Variants in CIC observed in about 807,000 individuals in gnomAD.
The protein encoded by CIC is protein capicua homolog.
Under a neutral mutation model 115.7 loss-of-function variants are expected in CIC, and 18 were observed. That is an observed-to-expected ratio of 0.16 (90% CI 0.11 to 0.23). The LOEUF (loss-of-function observed/expected upper bound fraction) is 0.23, where lower values mean the gene tolerates loss of function less well. CIC is among the 10% of genes least tolerant of loss of function. The probability of loss-of-function intolerance (pLI) is 1.00; values close to 1 mark genes in which losing one functional copy is unlikely to be tolerated. For missense variants in CIC, 2,000 were observed against 2,159.3 expected (o/e 0.93, Z 1.46); for synonymous variants, 1,076 against 923.0 (o/e 1.17, Z -3.01).
In CIC at chr19:42,293,626, G is replaced by A. The variant is rs778127638; in HGVS notation, c.6557G>A (p.Arg2186His). The A allele has an allele frequency of 4.1e-5, 66 of 1,613,456 alleles. No individual in the cohort carries two copies. The East Asian group carries it at 5.1e-4, about 13-fold the overall frequency. ...TTCCCCAGCTCATCTTCAGACTGGC[G>A]CGTCCCTGGGCAGGGCCTGGAGAAT... ...SKFPSSSSDWRVPGQGLENRG... is the reference protein window; with the variant it reads ...SKFPSSSSDWHVPGQGLENRG... The change falls in exon 17 of 21, where the codon CGC becomes CAC. Residue 2186 changes from arginine to histidine, a missense_variant. Transcript: ENST00000681038.
Position 42,295,143 on chromosome 19 carries a change from G to GGGGGCCCCCCCCCC in CIC, c.7506_7507insGGGGCCCCCCCCCC (p.Pro2503GlyfsTer31). The GGGGGCCCCCCCCCC allele has an allele frequency of 4.1e-5, 56 of 1,382,588 alleles. No homozygotes were observed. Among genetic ancestry groups the GGGGGCCCCCCCCCC allele is most frequent in the Non-Finnish European group, 5.3e-5 (55 of 1,037,698 alleles). 85.6% of individuals were successfully genotyped at this position (1,382,588 alleles called of 1,614,324 possible). A position where few individuals can be genotyped will look rare whatever the true frequency, so the allele number is the denominator to read the frequency against. ...AGCCTGGCTGGGAGGGGGCTCCCCA[G>GGGGGCCCCCCCCCC]CCCTCCCCCCCACCCCCAGGTCCCT... On this transcript the variant is annotated frameshift_variant, in exon 21 of 21. Transcript: ENST00000681038. LOFTEE classifies it high-confidence loss of function.
rs779351145 is a variant in CIC, at chr19:42,290,559, C to T, written c.4518C>T (p.Thr1506=). 16 of 1,613,692 alleles carry T rather than the reference C, an allele frequency of 9.9e-6. No homozygotes were observed. The East Asian group carries it at 3.3e-4, about 34-fold the overall frequency. The change falls in exon 11 of 21, where the codon ACC becomes ACT. Residue 1506 remains threonine, a synonymous_variant. Transcript: ENST00000681038. ...GGTTCCTCCCAATGGATCCTGCCAC[C>T]TTCCGGCGCAAGAGACCCGAAAGTG... The part of the protein sequence containing the change: ...ATRFLPMDPA[T]FRRKRPESVG...
At chr19:42,276,040 C>T (rs552492004) in intron 2 of CIC, among the ~76,000 whole-genome samples, 6 of 152,292 alleles carry the variant, frequency 3.9e-5, no homozygotes, top group Non-Finnish European at 5.9e-5. Flanking sequence ...CCTGTCCAGC[C>T]TGAGAAGTCA....
chr19:42,275,984 G>T (rs944316101), intron 2 of CIC, among the ~76,000 whole-genome samples: 3 of 152,202 alleles, frequency 2.0e-5, no homozygotes, highest in African/African-American at 7.2e-5. Context: ...GGTGGTCAGG[G>T]ATGGGGTGGA....
intron 8 of CIC, 42 bp from the exon 9 acceptor site, chr19:42,289,139 G>C: frequency 1.9e-6 from 3 of 1,613,170 alleles, no homozygotes; most frequent in Non-Finnish European, 2.5e-6. Context: ...ACCTGTCCAG[G>C]GCAGCAGCCC....
At position 42,287,519 on chromosome 19, in the gene CIC, C is replaced by T. The variant is rs1213112700; in HGVS notation, c.3310-26C>T. ...CACCTGTCTGCCAGGTCCTAACTGT[C>T]CCGCTCTGGGCTGTGTTTAATGCAG... On this transcript the variant is annotated intron_variant, in intron 5 of 20. Transcript: ENST00000681038. The surrounding 1 kb of genome is among the most constrained non-coding windows in gnomAD (Gnocchi z 8.7). The T allele has an allele frequency of 6.2e-7, 1 of 1,612,686 alleles. No individual in the cohort carries two copies. Among genetic ancestry groups the T allele is most frequent in the Admixed American group, 1.7e-5 (1 of 60,024 alleles).
rs948436221 is a variant in CIC, at chr19:42,270,626, A to G, written c.-10-1148A>G. Among the ~76,000 whole-genome samples, 5 of 151,980 alleles carry G rather than the reference A, an allele frequency of 3.3e-5. No individual in the cohort carries two copies. Among genetic ancestry groups the G allele is most frequent in the African/African-American group, 1.2e-4 (5 of 41,362 alleles). ...ATCCCCACTTGGAGTTGGAGGGCATATTTGGGGGCCTGCGGGGGGCTAGCC... is the reference window on the plus strand; with the variant it reads ...ATCCCCACTTGGAGTTGGAGGGCATGTTTGGGGGCCTGCGGGGGGCTAGCC... On this transcript the variant is annotated intron_variant, in intron 1 of 20. Coordinates refer to ENST00000681038, the MANE Select transcript of CIC (RefSeq NM_001386298.1). The surrounding 1 kb of genome is among the most constrained non-coding windows in gnomAD (Gnocchi z 4.1).
At chr19:42,278,342 C>T (rs1014333635) in intron 2 of CIC, among the ~76,000 whole-genome samples, 6 of 152,228 alleles carry the variant, frequency 3.9e-5, no homozygotes, top group South Asian at 2.1e-4. Flanking sequence ...TGTTGACAGG[C>T]GTTGCTCCTT....
rs778253908 is a variant in CIC at position 42,292,615 on chromosome 19, G to A, written c.5952G>A (p.Val1984=). The A allele has an allele frequency of 6.2e-7, 1 of 1,613,344 alleles. No homozygotes were observed. Among genetic ancestry groups the A allele is most frequent in the East Asian group, 2.2e-5 (1 of 44,868 alleles). The change falls in exon 15 of 21, where the codon GTG becomes GTA. Residue 1984 remains valine (V), a synonymous_variant. Transcript: ENST00000681038. ...CCGGTCAGGTGGGCGTGTCACCTGT[G>A]CCCAGTCCCCAGCTGCCGCCTGCCT... ...LAPGQVGVSP[V]PSPQLPPACA...
rs2037194011 is a variant in CIC, at chr19:42,280,681, C to T, written c.2795-6090C>T. On this transcript the variant is annotated intron_variant, in intron 2 of 20. Coordinates refer to ENST00000681038, the MANE Select transcript of CIC (RefSeq NM_001386298.1). This position sits in a 1 kb window ranked among gnomAD's most constrained non-coding sequence, Gnocchi z 4.9. Reference sequence around the variant, plus strand: ...TCAGGCCGGCCGGGCACCCGTCCGCCCTCCCTGCACAAAGCGGCTTTGTGG... The same window carrying T: ...TCAGGCCGGCCGGGCACCCGTCCGCTCTCCCTGCACAAAGCGGCTTTGTGG... Among the ~76,000 whole-genome samples the T allele has an allele frequency of 6.6e-6, 1 of 152,116 alleles. No homozygotes were observed. The highest frequency in any genetic ancestry group is 1.5e-5 in the Non-Finnish European group (1 of 67,984).
intron 2 of CIC, 41 bp downstream of exon 2, chr19:42,274,618 G>A (rs1237895323): frequency 2.3e-5 from 9 of 398,542 alleles, no homozygotes; most frequent in Non-Finnish European, 2.7e-5. Flanking sequence ...GGCTCACCTC[G>A]TAGAGGGCCT....
chr19:42,291,036 G>T lies in CIC; in HGVS notation c.4995G>T (p.Ala1665=), dbSNP rs199808446. The change falls in exon 11 of 21, where the codon GCG becomes GCT. Residue 1665 remains alanine, a synonymous_variant. Coordinates refer to ENST00000681038, the MANE Select transcript of CIC (RefSeq NM_001386298.1). ...AGPLLGTVGK[A]PATVTNLLVG... ...CCCTGCTGGGCACTGTGGGGAAGGC[G>T]CCTGCCACTGTCACTAACCTACTGG... 2 of 1,596,684 alleles carry T rather than the reference G, an allele frequency of 1.3e-6. No homozygotes were observed. Among genetic ancestry groups the T allele is most frequent in the African/African-American group, 1.3e-5 (1 of 74,488 alleles).
chr19:42,290,621 C>T lies in CIC; in HGVS notation c.4580C>T (p.Ala1527Val), dbSNP rs1361793278. 9 of 1,613,750 alleles carry T rather than the reference C, an allele frequency of 5.6e-6. No homozygotes were observed. Among genetic ancestry groups the T allele is most frequent in the Non-Finnish European group, 7.6e-6 (9 of 1,179,974 alleles). Residue 1527 changes from alanine (A) to valine (V), a missense_variant, in exon 11 of 21, where the codon GCG becomes GTG. By Grantham distance (64) the Ala-to-Val change is moderately conservative. Coordinates refer to ENST00000681038, the MANE Select transcript of CIC (RefSeq NM_001386298.1). ...GAGCCACCAGGCCCCTCAGTCATCG[C>T]GGCCCCTCCCAGCGGAGGAGGAAAC... ...GLEPPGPSVI[A>V]APPSGGGNIL...
chr19:42,286,765 C>G lies in CIC; in HGVS notation c.2795-6C>G, dbSNP rs1568502024. The G allele has an allele frequency of 6.2e-7, 1 of 1,613,970 alleles. No individual in the cohort carries two copies. Among genetic ancestry groups the G allele is most frequent in the Non-Finnish European group, 8.5e-7 (1 of 1,179,972 alleles). On this transcript the variant is annotated splice_polypyrimidine_tract_variant and splice_region_variant and intron_variant, in intron 2 of 20. Transcript: ENST00000681038. ...GCTGCACAGCTCACCTGGCTCCTTT[C>G]CACAGTGTGGACGAATGTGGAACCT...
chr19:42,294,064 C>T lies in CIC; in HGVS notation c.6897C>T (p.Tyr2299=), dbSNP rs771575070. 6.1e-5 allele frequency: 99 copies of T among 1,613,536 alleles called. No individual in the cohort carries two copies. Among genetic ancestry groups the T allele is most frequent in the Non-Finnish European group, 8.2e-5 (97 of 1,180,036 alleles). The change falls in exon 18 of 21, where the codon TAC becomes TAT. Residue 2299 remains tyrosine, a synonymous_variant. Coordinates refer to ENST00000681038, the MANE Select transcript of CIC (RefSeq NM_001386298.1). ...ATSPRAILGS[Y]RKKRKNSTDL... is the part of the protein sequence containing the mutation. ...CACCCCGGGCCATCCTGGGCTCTTACCGCAAGAAGAGGAAGAACTCCACGG... is the reference window on the plus strand; with the variant it reads ...CACCCCGGGCCATCCTGGGCTCTTATCGCAAGAAGAGGAAGAACTCCACGG...
Position 42,290,839 on chromosome 19 carries a change from T to C in CIC, c.4798T>C (p.Phe1600Leu), listed in dbSNP as rs756802556. Residue 1600 changes from phenylalanine (F) to leucine (L), a missense_variant, in exon 11 of 21, where the codon TTC becomes CTC. Around this residue, in one of 8 missense-constraint regions of CIC, gnomAD observed 1,466 missense variants for 1,390.4 expected, o/e 1.05. Transcript: ENST00000681038. ...STPVPIASKP[F>L]PTSGRAEASP... Reference sequence around the variant, plus strand: ...TCCTGTGCCCATCGCCTCTAAGCCCTTCCCCACCTCTGGCCGGGCTGAGGC... The same window carrying C: ...TCCTGTGCCCATCGCCTCTAAGCCCCTCCCCACCTCTGGCCGGGCTGAGGC... 2 of 1,610,290 alleles carry C rather than the reference T, an allele frequency of 1.2e-6. No homozygotes were observed. The highest frequency in any genetic ancestry group is 1.7e-6 in the Non-Finnish European group (2 of 1,178,590).
chr19:42,295,143 G>GGGGGGC lies in CIC; in HGVS notation c.7506_7507insGGGGGC (p.Gln2502_Pro2503insGlyGly). On this transcript the variant is annotated inframe_insertion, in exon 21 of 21. Transcript: ENST00000681038. ...AGCCTGGCTGGGAGGGGGCTCCCCA[G>GGGGGGC]CCCTCCCCCCCACCCCCAGGTCCCT... 57 of 1,382,360 alleles carry GGGGGGC rather than the reference G, an allele frequency of 4.1e-5. No homozygotes were observed. The highest frequency in any genetic ancestry group is 5.3e-5 in the Non-Finnish European group (55 of 1,037,478). 85.6% of individuals were successfully genotyped at this position (1,382,360 alleles called of 1,614,324 possible).
intron 2 of CIC, among the ~76,000 whole-genome samples, chr19:42,281,524 C>T (rs560554885): frequency 6.6e-6 from 1 of 152,268 alleles, no homozygotes; most frequent in African/African-American, 2.4e-5. Flanking sequence ...CCATCACAGT[C>T]CTGCTCAGTA....
chr19:42,284,944 G>A (rs895531668), intron 2 of CIC, among the ~76,000 whole-genome samples: 3 of 152,220 alleles, frequency 2.0e-5, no homozygotes, highest in Non-Finnish European at 2.9e-5. Flanking sequence ...GCAGGTGGGA[G>A]TGTAGCGGAG....
Sources: allele counts gnomAD v4.1 joint callset (sites outside exome capture counted in the v4.1 genomes callset), GRCh38; gene constraint gnomAD v4.1.1; regional missense constraint gnomAD v4.1.1; non-coding constraint Gnocchi (gnomAD v3.1); transcripts MANE v1.5; gene names NCBI Gene and HGNC (gene_info 2026-07-23, HGNC 2026-07-21).